The following CDH6 variants were observed in gnomAD, a reference collection of about 807,000 sequenced individuals.
The protein encoded by CDH6 is cadherin 6, also known as cadherin-6.
In CDH6, 31 loss-of-function variants were observed where a neutral mutation model predicts 78.0. That is an observed-to-expected ratio of 0.40 (90% confidence interval 0.30 to 0.54). The LOEUF (loss-of-function observed/expected upper bound fraction) is 0.54, where lower values mean the gene tolerates loss of function less well. Among genes scored for constraint, CDH6 ranks in the 20% least tolerant of loss-of-function variants. The pLI is 0.56. For synonymous variants in CDH6, 376 were observed against 368.8 expected (o/e 1.02, Z -0.23); for missense variants, 724 against 975.9 (o/e 0.74, Z 3.44).
chr5:31,231,045 G>T (rs1040859091), intron 1 of CDH6, among the ~76,000 whole-genome samples: 8 of 152,044 alleles, frequency 5.3e-5, no homozygotes, highest in African/African-American at 1.9e-4. Context: ...GTTTTCATTT[G>T]TTGAAAGTAT....
At chr5:31,227,110 A>G (rs1741173679) in intron 1 of CDH6, among the ~76,000 whole-genome samples, 1 of 152,040 alleles carries the variant, frequency 6.6e-6, no homozygotes, top group Admixed American at 6.6e-5. Flanking sequence ...AAGCACACAA[A>G]TCTCCCTGCC....
intron 2 of CDH6, among the ~76,000 whole-genome samples, chr5:31,268,454 G>A (rs988795587): frequency 2.6e-5 from 4 of 152,180 alleles, no homozygotes; most frequent in Non-Finnish European, 5.9e-5. Context: ...AAACAGCTTG[G>A]TTAGCCTGTC....
In CDH6 at chr5:31,328,942, C is replaced by T. The variant is rs1455242188; in HGVS notation, c.*5634C>T. 4.5e-6 allele frequency: 1 copy of T among 221,356 alleles called. No individual in the cohort carries two copies. The highest frequency in any genetic ancestry group is 9.0e-6 in the Non-Finnish European group (1 of 110,742). 13.7% of individuals were successfully genotyped at this position (221,356 alleles called of 1,614,324 possible). ...AGTATTACCTTTTAGCTCAGTGTGG[C>T]CGGGCCTTTTGTTGCAGTCAAATGG... On this transcript the variant is annotated 3_prime_UTR_variant, in exon 12 of 12. Transcript: ENST00000265071.
At chr5:31,279,695 G>A (rs572872829) in intron 2 of CDH6, among the ~76,000 whole-genome samples, 1 of 152,252 alleles carries the variant, frequency 6.6e-6, no homozygotes, top group East Asian at 1.9e-4. Flanking sequence ...TCATGTTGGG[G>A]AGGCTGAGGA....
chr5:31,321,963 C>T (rs576862830), intron 11 of CDH6, among the ~76,000 whole-genome samples: 1 of 152,122 alleles, frequency 6.6e-6, no homozygotes, highest in Non-Finnish European at 1.5e-5. Flanking sequence ...TCCACCCAGC[C>T]AGCTGTGAAG....
At chr5:31,263,259 C>CTT (rs58797373) in intron 1 of CDH6, among the ~76,000 whole-genome samples, 16,065 of 127,582 alleles carry the variant, frequency 0.13, 1,239 homozygotes, top group South Asian at 0.21. Context: ...GGTCTCTCTT[C>CTT]TTTTTTTTTT....
chr5:31,266,476 A>ACCAGTTTTAACAAAC (rs1410040369), intron 1 of CDH6, among the ~76,000 whole-genome samples: 1 of 152,186 alleles, frequency 6.6e-6, no homozygotes, highest in Non-Finnish European at 1.5e-5. Flanking sequence ...TTTAACAAAT[A>ACCAGTTTTAACAAAC]TGCTTGATTG....
In CDH6 at chr5:31,302,786, G is replaced by A. The variant is rs200813646; in HGVS notation, c.999+488G>A. Among the ~76,000 whole-genome samples, 44 of 54,480 alleles carry A rather than the reference G, an allele frequency of 8.1e-4. 1 individual carries two copies. The highest frequency in any genetic ancestry group is 1.3e-3 in the South Asian group (2 of 1,518). The allele number at this position is 54,480 out of a possible 152,430, so 35.7% of individuals were successfully genotyped here. A position where few individuals can be genotyped will look rare whatever the true frequency, so the allele number is the denominator to read the frequency against. ...GAAAGAAAGAAAGAAGAAAGAGAGAGAGAGAGAGAGAGAGAAAGAAAGAAA... is the reference window on the plus strand; with the variant it reads ...GAAAGAAAGAAAGAAGAAAGAGAGAAAGAGAGAGAGAGAGAAAGAAAGAAA... On this transcript the variant is annotated intron_variant, in intron 6 of 11. Coordinates refer to ENST00000265071, the MANE Select transcript of CDH6 (RefSeq NM_004932.4).
At chr5:31,283,735 G>C (rs1579881133) in intron 2 of CDH6, among the ~76,000 whole-genome samples, 1 of 152,076 alleles carries the variant, frequency 6.6e-6, no homozygotes, top group African/African-American at 2.4e-5. Flanking sequence ...AGCCAACATG[G>C]TGTAATAGAA....
intron 1 of CDH6, among the ~76,000 whole-genome samples, chr5:31,257,953 A>ATGTACTC (rs1742100094): frequency 6.6e-6 from 1 of 152,114 alleles, no homozygotes; most frequent in East Asian, 1.9e-4. Flanking sequence ...CTCACTAGCT[A>ATGTACTC]TGTACTCTGG....
rs1345456121 is a variant in CDH6, at chr5:31,327,669, T to C, written c.*4361T>C. On this transcript the variant is annotated 3_prime_UTR_variant, in exon 12 of 12. Coordinates refer to ENST00000265071, the MANE Select transcript of CDH6 (RefSeq NM_004932.4). Reference sequence around the variant, plus strand: ...AAGCAGCTTCCTTTTCCAGAGAATATAGAATTATATTATGGTCTCCTTAAA... The same window carrying C: ...AAGCAGCTTCCTTTTCCAGAGAATACAGAATTATATTATGGTCTCCTTAAA... 1.5e-5 allele frequency: 3 copies of C among 199,248 alleles called. No individual in the cohort carries two copies. The highest frequency in any genetic ancestry group is 3.1e-5 in the Non-Finnish European group (3 of 96,642). The allele number at this position is 199,248 out of a possible 1,614,324, so 12.3% of individuals were successfully genotyped here. A position where few individuals can be genotyped will look rare whatever the true frequency, so the allele number is the denominator to read the frequency against.
At chr5:31,309,272 A>T (rs1350260906) in intron 7 of CDH6, among the ~76,000 whole-genome samples, 1 of 152,180 alleles carries the variant, frequency 6.6e-6, no homozygotes, top group Non-Finnish European at 1.5e-5. Context: ...TATTTCATTT[A>T]GACACTCACT....
intron 3 of CDH6, among the ~76,000 whole-genome samples, chr5:31,296,916 T>C (rs971460982): frequency 1.3e-5 from 2 of 152,114 alleles, no homozygotes; most frequent in South Asian, 2.1e-4. Context: ...TGGCCCCTGA[T>C]TGGACAATTC....
Position 31,267,459 on chromosome 5 carries a change from G to A in CDH6, c.-15G>A, listed in dbSNP as rs746040162. The A allele has an allele frequency of 4.4e-6, 7 of 1,608,492 alleles. No individual in the cohort carries two copies. The African/African-American group carries it at 8.0e-5, about 18-fold the overall frequency. On this transcript the variant is annotated 5_prime_UTR_variant, in exon 2 of 12. Coordinates refer to ENST00000265071, the MANE Select transcript of CDH6 (RefSeq NM_004932.4). ...TGGGGCACTCACTACGCACAGACTC[G>A]ACGGTGCCATCAGCATGAGAACTTA... is the stretch of plus-strand genomic sequence containing the variant.
chr5:31,313,675 A>G (rs1181113470), intron 8 of CDH6, among the ~76,000 whole-genome samples: 1 of 152,252 alleles, frequency 6.6e-6, no homozygotes, highest in African/African-American at 2.4e-5. Flanking sequence ...TGGAAACAAT[A>G]AAATGGGAAT....
At chr5:31,317,580 T>C in intron 10 of CDH6, 88 bp downstream of exon 10, 2 of 1,521,054 alleles carry the variant, frequency 1.3e-6, no homozygotes, top group South Asian at 2.4e-5. Flanking sequence ...TATATGTACA[T>C]ATCTGTATCT....
intron 1 of CDH6, among the ~76,000 whole-genome samples, chr5:31,207,305 A>G (rs1740554840): frequency 6.6e-6 from 1 of 151,926 alleles, no homozygotes; most frequent in South Asian, 2.1e-4. Flanking sequence ...TCCATTACTA[A>G]CTCTGGAGTT....
At chr5:31,221,890 A>AT (rs921441915) in intron 1 of CDH6, among the ~76,000 whole-genome samples, 19 of 150,314 alleles carry the variant, frequency 1.3e-4, no homozygotes, top group East Asian at 5.9e-4. Flanking sequence ...AAGTTATTTA[A>AT]TTTTTTTTTT....
intron 1 of CDH6, among the ~76,000 whole-genome samples, chr5:31,194,968 C>T (rs1479804302): frequency 6.6e-6 from 1 of 151,786 alleles, no homozygotes; most frequent in Non-Finnish European, 1.5e-5. Flanking sequence ...GAGTTAAATG[C>T]AGGTCTCTGT....
Sources: allele counts gnomAD v4.1 joint callset (sites outside exome capture counted in the v4.1 genomes callset), GRCh38; gene constraint gnomAD v4.1.1; transcripts MANE v1.5; gene names NCBI Gene and HGNC (gene_info 2026-07-23, HGNC 2026-07-21).